C2CD5: variants seen among roughly 807,000 people sequenced by gnomAD.
C2CD5 encodes the protein C2 calcium dependent domain containing 5.
A neutral mutation model predicts 130.3 loss-of-function variants in C2CD5; 109 were observed. The ratio of observed to expected loss-of-function variants is 0.84; its 90% confidence interval spans 0.72 to 0.98. C2CD5 has a LOEUF of 0.98. Among genes scored for constraint, C2CD5 ranks in the 50% least tolerant of loss-of-function variants. The pLI, the probability that C2CD5 is intolerant of heterozygous loss-of-function variation, is 0.00. For missense variants in C2CD5, 996 were observed against 1,261.8 expected (o/e 0.79, Z 3.19); for synonymous variants, 454 against 429.2 (o/e 1.06, Z -0.71).
Position 22,530,105 on chromosome 12 carries a change from TATATATACAC to T in C2CD5, c.178-2223_178-2214del, listed in dbSNP as rs1159048595. Reference sequence around the variant, plus strand: ...ATATATATATATATATATATATATATATATATACACACACACACACACACACACACACACA... The same window carrying T: ...ATATATATATATATATATATATATATACACACACACACACACACACACACA... On this transcript the variant is annotated intron_variant, in intron 3 of 26. Coordinates refer to ENST00000446597, the MANE Select transcript of C2CD5 (RefSeq NM_001286176.2). 3.2e-3 allele frequency among the ~76,000 whole-genome samples: 363 copies of T among 114,520 alleles called. 1 individual carries two copies. Among genetic ancestry groups the T allele is most frequent in the African/African-American group, 0.013 (341 of 25,800 alleles). The allele number at this position is 114,520 out of a possible 152,430, so 75.1% of individuals were successfully genotyped here.
intron 22 of C2CD5, among the ~76,000 whole-genome samples, chr12:22,462,443 C>T (rs1404459263): frequency 1.3e-5 from 2 of 152,128 alleles, no homozygotes; most frequent in Non-Finnish European, 2.9e-5. Flanking sequence ...ACCCTGCAAG[C>T]CCCAAATAAA....
At chr12:22,534,051 G>A (rs1206958131) in intron 3 of C2CD5, among the ~76,000 whole-genome samples, 1 of 152,214 alleles carries the variant, frequency 6.6e-6, no homozygotes, top group Non-Finnish European at 1.5e-5. Flanking sequence ...AGCCAGGCAT[G>A]ATGGCGCATG....
intron 2 of C2CD5, among the ~76,000 whole-genome samples, chr12:22,541,593 C>G (rs1952390430): frequency 6.6e-6 from 1 of 152,142 alleles, no homozygotes; most frequent in African/African-American, 2.4e-5. Context: ...CATGAGATCT[C>G]CGGGTTACCT....
intron 8 of C2CD5, chr12:22,514,991 GAA>G: frequency 6.1e-6 from 6 of 985,304 alleles, no homozygotes; most frequent in Non-Finnish European, 7.2e-6. Flanking sequence ...TTCACTGAAA[GAA>G]ACACTTTTCC....
chr12:22,451,784 G>C (rs1045055120), intron 26 of C2CD5, among the ~76,000 whole-genome samples: 2 of 152,088 alleles, frequency 1.3e-5, no homozygotes, highest in Non-Finnish European at 2.9e-5. Flanking sequence ...GGCAACAGAT[G>C]AGTCTGAAAA....
intron 10 of C2CD5, among the ~76,000 whole-genome samples, chr12:22,502,044 C>CA (rs575623673): frequency 1.7e-4 from 25 of 147,052 alleles, no homozygotes; most frequent in Middle Eastern, 3.5e-3. Flanking sequence ...ATGTTTTTAT[C>CA]AAAAAAAAAA....
At chr12:22,485,869 T>A (rs954843718) in intron 12 of C2CD5, among the ~76,000 whole-genome samples, 1 of 152,136 alleles carries the variant, frequency 6.6e-6, no homozygotes, top group East Asian at 1.9e-4. Context: ...AATAGTGAGA[T>A]CATAAGGAAT....
At position 22,544,198 on chromosome 12, in the gene C2CD5, G is replaced by T. The variant is rs766057404; in HGVS notation, c.-29-19C>A. 2.5e-6 allele frequency: 4 copies of T among 1,572,548 alleles called. No individual in the cohort carries two copies. In the Admixed American group the frequency reaches 5.1e-5, roughly 20 times the overall value. Reference sequence around the variant, plus strand: ...TGGGCTCCTGCAGAAACAAACAAACGAGTCTGCGCCGAGCGCGGGGCCGGC... The same window carrying T: ...TGGGCTCCTGCAGAAACAAACAAACTAGTCTGCGCCGAGCGCGGGGCCGGC... On this transcript the variant is annotated intron_variant, in intron 1 of 26. Transcript: ENST00000446597.
chr12:22,493,325 G>GTT lies in C2CD5; in HGVS notation c.1158_1159dup (p.Thr387LysfsTer14). On this transcript the variant is annotated frameshift_variant, in exon 11 of 27. Coordinates refer to ENST00000446597, the MANE Select transcript of C2CD5 (RefSeq NM_001286176.2). LOFTEE classifies it high-confidence loss of function. ...GATTTCTGCCCACCATGCATCTCGA[G>GTT]TTTCTGGTTCATCTGAAAAATAAAT... 1 of 1,602,302 alleles carries GTT rather than the reference G, an allele frequency of 6.2e-7. No homozygotes were observed. The highest frequency in any genetic ancestry group is 8.5e-7 in the Non-Finnish European group (1 of 1,171,194).
chr12:22,473,909 T>A (rs55882566), intron 16 of C2CD5, among the ~76,000 whole-genome samples: 7,866 of 152,094 alleles, frequency 0.052, 700 homozygotes, highest in African/African-American at 0.18. Flanking sequence ...TGTAGAGAAA[T>A]GTGGGGAAAA....
At chr12:22,521,172 T>C (rs1195079947) in intron 7 of C2CD5, among the ~76,000 whole-genome samples, 2 of 152,174 alleles carry the variant, frequency 1.3e-5, no homozygotes, top group Admixed American at 1.3e-4. Flanking sequence ...AATCATAAAA[T>C]AGGCTTTGAA....
At position 22,459,521 on chromosome 12, in the gene C2CD5, G is replaced by A. The variant is rs1421881748; in HGVS notation, c.2555C>T (p.Ser852Phe). The part of the protein sequence containing the change: ...PAKEHLESAS[S>F]NSGIPAAQRA... Reference sequence around the variant, plus strand: ...CTGTGCAGCTGGTATACCTGAGTTAGAACTTGCACTCTCCAGGTGTTCTAA... The same window carrying A: ...CTGTGCAGCTGGTATACCTGAGTTAAAACTTGCACTCTCCAGGTGTTCTAA... Residue 852 changes from serine to phenylalanine, a missense_variant, in exon 23 of 27, where the codon TCT (serine) becomes TTT (phenylalanine). Physicochemically the swap from Ser to Phe is radical, Grantham distance 155 (BLOSUM62 -2). Around this residue, in one of 9 missense-constraint regions of C2CD5, gnomAD observed 590 missense variants for 631.4 expected, o/e 0.93. Transcript: ENST00000446597. 6.5e-7 allele frequency: 1 copy of A among 1,532,496 alleles called. No homozygotes were observed. Among genetic ancestry groups the A allele is most frequent in the Non-Finnish European group, 8.7e-7 (1 of 1,143,870 alleles). The allele number at this position is 1,532,496 out of a possible 1,614,324, so 94.9% of individuals were successfully genotyped here. A position where few individuals can be genotyped will look rare whatever the true frequency, so the allele number is the denominator to read the frequency against.
chr12:22,502,705 C>A, intron 10 of C2CD5: 2 of 1,247,170 alleles, frequency 1.6e-6, no homozygotes, highest in South Asian at 2.7e-5. Context: ...TAATTTTTGT[C>A]AGCATATGTA....
intron 3 of C2CD5, among the ~76,000 whole-genome samples, chr12:22,532,926 T>G (rs907867653): frequency 3.9e-5 from 6 of 152,292 alleles, no homozygotes; most frequent in African/African-American, 1.4e-4. Context: ...AAATTGGTCC[T>G]CACAAGGTTC....
intron 16 of C2CD5, among the ~76,000 whole-genome samples, chr12:22,473,549 T>C (rs541541050): frequency 6.6e-6 from 1 of 152,318 alleles, no homozygotes; most frequent in East Asian, 1.9e-4. Flanking sequence ...ATATTCCACT[T>C]GCCCTCTGTC....
chr12:22,513,850 G>A (rs530911140), intron 8 of C2CD5, among the ~76,000 whole-genome samples: 9 of 152,122 alleles, frequency 5.9e-5, no homozygotes, highest in African/African-American at 2.2e-4. Context: ...TAAAATTCAG[G>A]TGAGTCTGAA....
Position 22,484,744 on chromosome 12 carries a change from G to A in C2CD5, c.1503C>T (p.Leu501=). 1.2e-6 allele frequency: 2 copies of A among 1,601,594 alleles called. No homozygotes were observed. The highest frequency in any genetic ancestry group is 1.7e-6 in the Non-Finnish European group (2 of 1,175,144). Residue 501 remains leucine (L), a synonymous_variant, in exon 13 of 27, where the codon CTC becomes CTT. Transcript: ENST00000446597. ...VPDVLFTTID[L]PTDATVIGKG... is the part of the protein sequence containing the mutation. ...TTCCAATAACTGTTGCATCTGTTGG[G>A]AGGTCTATAGTTGTAAACAGAACAT...
chr12:22,475,223 T>G (rs1202689164), intron 15 of C2CD5, among the ~76,000 whole-genome samples: 2 of 152,162 alleles, frequency 1.3e-5, no homozygotes, highest in East Asian at 3.8e-4. Flanking sequence ...TATTTTCTAT[T>G]CAGCATTATA....
chr12:22,543,558 AC>A, intron 2 of C2CD5, among the ~76,000 whole-genome samples: 1 of 152,308 alleles, frequency 6.6e-6, no homozygotes, highest in Middle Eastern at 3.4e-3. Context: ...ACCTTCTTAA[AC>A]ATGATGTCCA....
Sources: gnomAD v4.1 joint callset for allele counts (sites outside exome capture counted in the v4.1 genomes callset) on GRCh38, gnomAD v4.1.1 for gene constraint, gnomAD v4.1.1 regional missense constraint, MANE v1.5 for transcripts, NCBI Gene and HGNC (gene_info 2026-07-23, HGNC 2026-07-21) for gene names.